Variants in BMP5 observed in about 807,000 individuals in gnomAD.
The protein encoded by BMP5 is bone morphogenetic protein 5.
BMP5 carries 23 observed loss-of-function variants against 46.6 expected under a neutral mutation model. That is an observed-to-expected ratio of 0.49 (90% CI 0.35 to 0.70). The LOEUF (loss-of-function observed/expected upper bound fraction) is 0.70. BMP5 is among the 30% of genes least tolerant of loss of function. BMP5 has a pLI of 0.00. For missense variants in BMP5, 545 were observed against 565.6 expected (o/e 0.96, Z 0.37); for synonymous variants, 204 against 191.9 (o/e 1.06, Z -0.52).
At chr6:55,763,016 C>T (rs1385902670) in intron 4 of BMP5, among the ~76,000 whole-genome samples, 2 of 152,092 alleles carry the variant, frequency 1.3e-5, no homozygotes, top group South Asian at 2.1e-4. Context: ...TTCTTTTCCA[C>T]GCAAACATTT....
At chr6:55,799,381 G>C (rs1427477414) in intron 2 of BMP5, among the ~76,000 whole-genome samples, 1 of 152,106 alleles carries the variant, frequency 6.6e-6, no homozygotes, top group Admixed American at 6.6e-5. Context: ...TTACAAAAAG[G>C]GGGAAGAAGA....
In BMP5 at chr6:55,754,340, ACACAC is replaced by A. The variant is rs923685859; in HGVS notation, c.*1188_*1192del. On this transcript the variant is annotated 3_prime_UTR_variant, in exon 7 of 7. Coordinates refer to ENST00000370830, the MANE Select transcript of BMP5 (RefSeq NM_021073.4). Reference sequence around the variant, plus strand: ...CACACACAGACACACACACACACACACACACAACAGAACCTTCCTGTTTGGAATTA... The same window carrying A: ...CACACACAGACACACACACACACACAAACAGAACCTTCCTGTTTGGAATTA... 8 of 152,036 alleles carry A rather than the reference ACACAC, an allele frequency of 5.3e-5. No individual in the cohort carries two copies. The East Asian group carries it at 1.6e-3, about 30-fold the overall frequency. The allele number at this position is 152,036 out of a possible 1,614,324, so 9.4% of individuals were successfully genotyped here.
chr6:55,783,257 T>G (rs1472314320), intron 3 of BMP5, among the ~76,000 whole-genome samples: 2 of 152,066 alleles, frequency 1.3e-5, no homozygotes, highest in Non-Finnish European at 2.9e-5. Flanking sequence ...TTAGCATACA[T>G]TTTTAAGGAG....
At chr6:55,845,585 A>C (rs933778509) in intron 1 of BMP5, among the ~76,000 whole-genome samples, 2 of 151,968 alleles carry the variant, frequency 1.3e-5, no homozygotes, top group African/African-American at 4.8e-5. Flanking sequence ...TGACACTTTA[A>C]AATTACTTTA....
chr6:55,781,361 C>T (rs1290871054), intron 3 of BMP5, among the ~76,000 whole-genome samples: 2 of 152,182 alleles, frequency 1.3e-5, no homozygotes, highest in East Asian at 3.9e-4. Flanking sequence ...TTTAGTAAAA[C>T]TATAGGGAAG....
At chr6:55,833,803 A>G (rs1396018998) in intron 1 of BMP5, among the ~76,000 whole-genome samples, 1 of 152,200 alleles carries the variant, frequency 6.6e-6, no homozygotes, top group African/African-American at 2.4e-5. Context: ...ATCATGCAGG[A>G]TATCCCATGT....
chr6:55,874,247 G>T, intron 1 of BMP5, 129 bp downstream of exon 1: 1 of 1,157,778 alleles, frequency 8.6e-7, no homozygotes, highest in Non-Finnish European at 1.2e-6. Flanking sequence ...AAAGAAAACA[G>T]AAGCTAAACA....
rs74524890 is a variant in BMP5 at position 55,851,649 on chromosome 6, G to A, written c.490+22727C>T. Among the ~76,000 whole-genome samples the A allele has an allele frequency of 7.7e-3, 1,178 of 152,282 alleles. 5 individuals carry two copies. Among genetic ancestry groups the A allele is most frequent in the Middle Eastern group, 0.037 (11 of 294 alleles). ...TTTTCTTAACAAAACTTTATAGCAT[G>A]ATTTAGGCCATGTGCAAGTATAACT... On this transcript the variant is annotated intron_variant, in intron 1 of 6. Coordinates refer to ENST00000370830, the MANE Select transcript of BMP5 (RefSeq NM_021073.4).
At chr6:55,762,810 CT>C (rs899206733) in intron 4 of BMP5, among the ~76,000 whole-genome samples, 2 of 151,858 alleles carry the variant, frequency 1.3e-5, no homozygotes, top group African/African-American at 2.4e-5. Flanking sequence ...CTTCTTTAAA[CT>C]TTTTTTTAAA....
At chr6:55,860,720 C>T (rs577259274) in intron 1 of BMP5, among the ~76,000 whole-genome samples, 7 of 152,288 alleles carry the variant, frequency 4.6e-5, no homozygotes, top group East Asian at 3.9e-4. Context: ...TTTAGCTAAA[C>T]GTCAGTATGT....
chr6:55,798,060 C>G (rs1308885565), intron 2 of BMP5, among the ~76,000 whole-genome samples: 1 of 152,180 alleles, frequency 6.6e-6, no homozygotes, highest in Non-Finnish European at 1.5e-5. Context: ...TCCAGGCTCT[C>G]TCCTTGGCTT....
chr6:55,770,271 C>G (rs1775018226), intron 4 of BMP5, among the ~76,000 whole-genome samples: 1 of 151,912 alleles, frequency 6.6e-6, no homozygotes, highest in Non-Finnish European at 1.5e-5. Flanking sequence ...TCCTGGATAA[C>G]TTGCTATAGC....
At chr6:55,789,013 C>T (rs1775514380) in intron 3 of BMP5, among the ~76,000 whole-genome samples, 1 of 151,066 alleles carries the variant, frequency 6.6e-6, no homozygotes, top group Non-Finnish European at 1.5e-5. Context: ...TGACTTTAAA[C>T]CTGAAGTTTT....
In BMP5 at chr6:55,822,194, C is replaced by T. The variant is rs115814971; in HGVS notation, c.491-2347G>A. On this transcript the variant is annotated intron_variant, in intron 1 of 6. Transcript: ENST00000370830. ...GGTTGTTAAATGTCAGGATATGCTG[C>T]GTCTGCTAACACACTATGGCTTTGT... Among the ~76,000 whole-genome samples the T allele has an allele frequency of 6.0e-3, 909 of 152,224 alleles. 12 individuals are homozygous for T. Among genetic ancestry groups the T allele is most frequent in the African/African-American group, 0.02 (848 of 41,540 alleles).
intron 4 of BMP5, among the ~76,000 whole-genome samples, chr6:55,765,834 G>T (rs1774904552): frequency 6.6e-6 from 1 of 152,082 alleles, no homozygotes; most frequent in African/African-American, 2.4e-5. Context: ...GCATAACTCT[G>T]CTCAGCAAAG....
At chr6:55,841,234 T>C (rs566923715) in intron 1 of BMP5, among the ~76,000 whole-genome samples, 24 of 152,202 alleles carry the variant, frequency 1.6e-4, no homozygotes, top group Non-Finnish European at 3.4e-4. Flanking sequence ...GCTGCTGTTT[T>C]AGATCATTAG....
intron 1 of BMP5, among the ~76,000 whole-genome samples, chr6:55,867,992 G>T (rs1238262918): frequency 6.6e-6 from 1 of 152,150 alleles, no homozygotes; most frequent in African/African-American, 2.4e-5. Context: ...TTAAAGTCAT[G>T]TGAGCAGTAA....
At chr6:55,797,963 G>C (rs1376751627) in intron 2 of BMP5, among the ~76,000 whole-genome samples, 1 of 152,040 alleles carries the variant, frequency 6.6e-6, no homozygotes, top group Non-Finnish European at 1.5e-5. Context: ...GTTTGCAATT[G>C]ATTTTCTCTC....
intron 1 of BMP5, among the ~76,000 whole-genome samples, chr6:55,832,650 G>A (rs7760513): frequency 0.026 from 3,885 of 152,238 alleles, 163 homozygotes; most frequent in African/African-American, 0.088. Flanking sequence ...ATAGTAATCT[G>A]TGGAGCATGC....
Sources: allele counts gnomAD v4.1 joint callset (sites outside exome capture counted in the v4.1 genomes callset), GRCh38; gene constraint gnomAD v4.1.1; transcripts MANE v1.5; gene names NCBI Gene and HGNC (gene_info 2026-07-23, HGNC 2026-07-21).